The following EYA4 variants were observed in gnomAD, a reference collection of about 807,000 sequenced individuals.
EYA4 encodes the protein protein phosphatase EYA4.
Under a neutral mutation model 87.9 loss-of-function variants are expected in EYA4, and 31 were observed. That is an observed-to-expected ratio of 0.35 (90% CI 0.27 to 0.48). The LOEUF (loss-of-function observed/expected upper bound fraction) is 0.48, where lower values mean the gene tolerates loss of function less well. EYA4 is among the 20% of genes least tolerant of loss of function. EYA4 has a pLI of 0.99. For missense variants in EYA4, 678 were observed against 761.4 expected (o/e 0.89, Z 1.29); for synonymous variants, 263 against 270.6 (o/e 0.97, Z 0.28).
At position 133,446,694 on chromosome 6, in the gene EYA4, A is replaced by G. The variant is rs932450184; in HGVS notation, c.148A>G (p.Ser50Gly). The stretch of plus-strand genomic sequence containing the variant: ...TGTTGGAGGTGGTGATACTCCAGGT[A>G]GCTCCAAACTGGAAAAATCTAATCT... ...TLVGGGDTPGSSKLEKSNLSS... is the reference protein window; with the variant it reads ...TLVGGGDTPGGSKLEKSNLSS... Residue 50 changes from serine (S) to glycine (G), a missense_variant, in exon 4 of 20, where the codon AGC becomes GGC. Ser to Gly is a moderately conservative substitution (Grantham distance 56, BLOSUM62 0). Transcript: ENST00000355286. The G allele has an allele frequency of 1.2e-6, 2 of 1,613,952 alleles. No individual in the cohort carries two copies. The highest frequency in any genetic ancestry group is 2.2e-5 in the South Asian group (2 of 91,078).
rs758104829 is a variant in EYA4, at chr6:133,382,397, G to C, written c.39G>C (p.Lys13Asn). ...CTAGTACTCTTTTCTTACAGGTAAA[G>C]AAAACGTGCACAGAATCAGATGTTT... ...DSQDLNEQSV[K>N]KTCTESDVSQ... is the part of the protein sequence containing the mutation. The change falls in exon 3 of 20, where the codon AAG (lysine) becomes AAC (asparagine). Residue 13 changes from lysine (K) to asparagine (N), a missense_variant. By Grantham distance (94) the Lys-to-Asn change is moderately conservative (BLOSUM62 0). Transcript: ENST00000355286. 4 of 1,608,702 alleles carry C rather than the reference G, an allele frequency of 2.5e-6. No homozygotes were observed. The highest frequency in any genetic ancestry group is 3.4e-6 in the Non-Finnish European group (4 of 1,175,300).
At position 133,344,829 on chromosome 6, in the gene EYA4, A is replaced by G. The variant is rs141854967; in HGVS notation, c.34-37563A>G. Reference sequence around the variant, plus strand: ...TTACTCATTCCATCTTCAGTTGTTTATAACAATGTGAATGGTATGAAATTA... The same window carrying G: ...TTACTCATTCCATCTTCAGTTGTTTGTAACAATGTGAATGGTATGAAATTA... On this transcript the variant is annotated intron_variant, in intron 2 of 19. Coordinates refer to ENST00000355286, the MANE Select transcript of EYA4 (RefSeq NM_004100.5). 3.9e-3 allele frequency among the ~76,000 whole-genome samples: 588 copies of G among 152,242 alleles called. 1 individual carries two copies. Among genetic ancestry groups the G allele is most frequent in the Non-Finnish European group, 6.8e-3 (463 of 67,986 alleles).
At chr6:133,332,867 C>T (rs1582985432) in intron 2 of EYA4, among the ~76,000 whole-genome samples, 1 of 151,898 alleles carries the variant, frequency 6.6e-6, no homozygotes, top group Non-Finnish European at 1.5e-5. Flanking sequence ...CAGCCTGAGG[C>T]TTTCTTATTT....
At chr6:133,431,425 A>G (rs1289197956) in intron 3 of EYA4, among the ~76,000 whole-genome samples, 2 of 152,176 alleles carry the variant, frequency 1.3e-5, no homozygotes, top group African/African-American at 4.8e-5. Flanking sequence ...AAGTAAAGCT[A>G]CCTATTCAGG....
chr6:133,480,750 T>TA (rs1406520817), intron 11 of EYA4, among the ~76,000 whole-genome samples: 3 of 152,170 alleles, frequency 2.0e-5, no homozygotes, highest in Admixed American at 6.6e-5. Flanking sequence ...ACATAGCTGA[T>TA]AAAAAACTTT....
chr6:133,277,518 A>G (rs564669980), intron 2 of EYA4, among the ~76,000 whole-genome samples: 1 of 152,360 alleles, frequency 6.6e-6, no homozygotes, highest in East Asian at 1.9e-4. Flanking sequence ...TGTCTTATGA[A>G]GTGCTTGCAT....
At chr6:133,334,316 C>G (rs1451725437) in intron 2 of EYA4, among the ~76,000 whole-genome samples, 1 of 152,228 alleles carries the variant, frequency 6.6e-6, no homozygotes, top group Non-Finnish European at 1.5e-5. Flanking sequence ...TCCTCACATT[C>G]TTGTGCCTGA....
chr6:133,506,748 G>A (rs768761616), intron 14 of EYA4, among the ~76,000 whole-genome samples: 1 of 152,104 alleles, frequency 6.6e-6, no homozygotes, highest in Non-Finnish European at 1.5e-5. Context: ...CAAATGGCAA[G>A]ACAGTGTCTA....
At chr6:133,289,954 C>T (rs1377316326) in intron 2 of EYA4, among the ~76,000 whole-genome samples, 1 of 152,166 alleles carries the variant, frequency 6.6e-6, no homozygotes, top group Non-Finnish European at 1.5e-5. Flanking sequence ...AGGGCAAACA[C>T]TCCCTACTTA....
In EYA4 at chr6:133,351,589, T is replaced by G. The variant is rs1783645293; in HGVS notation, c.34-30803T>G. 2.0e-5 allele frequency among the ~76,000 whole-genome samples: 3 copies of G among 150,996 alleles called. No individual in the cohort carries two copies. The South Asian group carries it at 6.2e-4, about 31-fold the overall frequency. ...GAAAGCTACTGTAGACAGACAGTTG[T>G]GATAATAGTGCTGACCTTCTTTGTT... On this transcript the variant is annotated intron_variant, in intron 2 of 19. Coordinates refer to ENST00000355286, the MANE Select transcript of EYA4 (RefSeq NM_004100.5).
In EYA4 at chr6:133,273,097, G is replaced by GTGTATATATATATATATA. The variant is rs142020137; in HGVS notation, c.-65-1618_-65-1617insGTATATATATATATATAT. On this transcript the variant is annotated intron_variant, in intron 1 of 19. Coordinates refer to ENST00000355286, the MANE Select transcript of EYA4 (RefSeq NM_004100.5). ...CAGAACTAATAGGAGATATATATAT[G>GTGTATATATATATATATA]TATATATATATATATATATAAAGGG... Among the ~76,000 whole-genome samples the GTGTATATATATATATATA allele has an allele frequency of 1.9e-3, 203 of 106,648 alleles. 2 individuals carry two copies. The highest frequency in any genetic ancestry group is 6.1e-3 in the African/African-American group (194 of 31,546). 70.0% of individuals were successfully genotyped at this position (106,648 alleles called of 152,430 possible). A position where few individuals can be genotyped will look rare whatever the true frequency, so the allele number is the denominator to read the frequency against.
intron 11 of EYA4, among the ~76,000 whole-genome samples, chr6:133,474,985 C>A (rs185832101): frequency 7.6e-4 from 116 of 152,138 alleles, no homozygotes; most frequent in African/African-American, 2.6e-3. Flanking sequence ...AAAGTGGGAT[C>A]TAAATATCCA....
Position 133,431,054 on chromosome 6 carries a change from C to A in EYA4, c.84-15576C>A, listed in dbSNP as rs556541365. On this transcript the variant is annotated intron_variant, in intron 3 of 19. Coordinates refer to ENST00000355286, the MANE Select transcript of EYA4 (RefSeq NM_004100.5). ...TTCCTGGGAAAGGGGAAATCAAGTG[C>A]AGAGGTCCTCACCTGGGAACACATT... 5.3e-5 allele frequency among the ~76,000 whole-genome samples: 8 copies of A among 152,220 alleles called. No individual in the cohort carries two copies. The South Asian group carries it at 1.7e-3, about 32-fold the overall frequency.
intron 3 of EYA4, among the ~76,000 whole-genome samples, chr6:133,413,096 G>T (rs56088418): frequency 6.6e-6 from 1 of 152,088 alleles, no homozygotes; most frequent in Non-Finnish European, 1.5e-5. Context: ...AAAATACTGG[G>T]GATAACTATG....
intron 3 of EYA4, among the ~76,000 whole-genome samples, chr6:133,445,147 C>T (rs1214377205): frequency 1.3e-5 from 2 of 152,032 alleles, no homozygotes; most frequent in African/African-American, 4.8e-5. Flanking sequence ...ACTCCATGTA[C>T]CCTAAACTTA....
intron 11 of EYA4, among the ~76,000 whole-genome samples, chr6:133,479,515 A>G (rs1250282342): frequency 2.0e-5 from 3 of 152,168 alleles, no homozygotes; most frequent in African/African-American, 7.2e-5. Flanking sequence ...AGTGATGCCT[A>G]GTTTGTTCAG....
At chr6:133,439,955 G>A (rs1792106856) in intron 3 of EYA4, among the ~76,000 whole-genome samples, 1 of 152,208 alleles carries the variant, frequency 6.6e-6, no homozygotes. Context: ...TCTTTTGAAT[G>A]TGCAGGGTTT....
chr6:133,271,035 G>C (rs548257216), intron 1 of EYA4, among the ~76,000 whole-genome samples: 1 of 152,084 alleles, frequency 6.6e-6, no homozygotes, highest in Non-Finnish European at 1.5e-5. Flanking sequence ...AGGTAATGTC[G>C]TGGGAACATT....
At chr6:133,334,232 T>A (rs942217924) in intron 2 of EYA4, among the ~76,000 whole-genome samples, 2 of 152,218 alleles carry the variant, frequency 1.3e-5, no homozygotes, top group Admixed American at 6.5e-5. Context: ...ACATCTTTTT[T>A]AAAAAATCCG....
Sources: allele counts gnomAD v4.1 joint callset (sites outside exome capture counted in the v4.1 genomes callset), GRCh38; gene constraint gnomAD v4.1.1; transcripts MANE v1.5; gene names NCBI Gene and HGNC (gene_info 2026-07-23, HGNC 2026-07-21).